PRR35: variants seen among roughly 807,000 people sequenced by gnomAD.
PRR35 encodes proline-rich protein 35.
PRR35 carries 14 observed loss-of-function variants against 18.6 expected under a neutral mutation model. The ratio of observed to expected loss-of-function variants is 0.75; its 90% CI spans 0.50 to 1.18. PRR35 has a LOEUF of 1.18. PRR35 is among the 50% of genes most tolerant of loss of function. PRR35 has a pLI of 0.00. For synonymous variants in PRR35, 425 were observed against 378.2 expected (o/e 1.12, Z -1.43); for missense variants, 832 against 792.2 (o/e 1.05, Z -0.60).
In PRR35 at chr16:564,389, G is replaced by T. The variant is rs886624141; in HGVS notation, c.1082+13G>T. ...GTTCCCGGAGCAGGTGGGCGTCTTG[G>T]GCTCCCGGTTCCTGGGGTGGACGGA... On this transcript the variant is annotated intron_variant, in intron 2 of 2. Coordinates refer to ENST00000409413, the MANE Select transcript of PRR35 (RefSeq NM_145270.3). 3.8e-6 allele frequency: 6 copies of T among 1,589,016 alleles called. No homozygotes were observed. In the African/African-American group the frequency reaches 6.7e-5, roughly 18 times the overall value.
Position 562,438 on chromosome 16 carries a change from A to G in PRR35, c.-39-818A>G, listed in dbSNP as rs556339875. Among the ~76,000 whole-genome samples the G allele has an allele frequency of 4.6e-5, 7 of 152,150 alleles. No individual in the cohort carries two copies. The South Asian group carries it at 1.5e-3, about 32-fold the overall frequency. ...CACACACGCATACACACGCACTCAC[A>G]CATGCATGCATGCACACATGCACAC... is the stretch of plus-strand genomic sequence containing the variant. On this transcript the variant is annotated intron_variant, in intron 1 of 2. Transcript: ENST00000409413.
Position 563,890 on chromosome 16 carries a change from C to T in PRR35, c.596C>T (p.Pro199Leu), listed in dbSNP as rs780686063. Residue 199 changes from proline to leucine, a missense_variant, in exon 2 of 3, where the codon CCT (proline) becomes CTT (leucine). Around this residue, in one of 3 missense-constraint regions of PRR35, gnomAD observed 768 missense variants for 704.1 expected, o/e 1.09. Transcript: ENST00000409413. Reference sequence around the variant, plus strand: ...CCCCCGCCTGCCCCAGGGGAGTTCCCTGAGGCCCACAGCCTCCACCTGTCT... The same window carrying T: ...CCCCCGCCTGCCCCAGGGGAGTTCCTTGAGGCCCACAGCCTCCACCTGTCT... ...CYPPPAPGEFPEAHSLHLSLL... is the reference protein window; with the variant it reads ...CYPPPAPGEFLEAHSLHLSLL... The T allele has an allele frequency of 2.3e-5, 37 of 1,582,076 alleles. No individual in the cohort carries two copies. In the Admixed American group the frequency reaches 2.7e-4, roughly 11 times the overall value.
chr16:565,401 C>T lies in PRR35; in HGVS notation c.*94C>T, dbSNP rs2035523104. 1 of 1,310,500 alleles carries T rather than the reference C, an allele frequency of 7.6e-7. No homozygotes were observed. The highest frequency in any genetic ancestry group is 1.0e-6 in the Non-Finnish European group (1 of 995,792). The allele number at this position is 1,310,500 out of a possible 1,614,324, so 81.2% of individuals were successfully genotyped here. A position where few individuals can be genotyped will look rare whatever the true frequency, so the allele number is the denominator to read the frequency against. ...CTCACCTGCCTGGGACCTGCCCCGC[C>T]TCCGCATGCATGTGGATAGACCCCC... is the stretch of plus-strand genomic sequence containing the variant. On this transcript the variant is annotated 3_prime_UTR_variant, in exon 3 of 3. Transcript: ENST00000409413.
Position 563,248 on chromosome 16 carries a change from A to T in PRR35, c.-39-8A>T. 1.3e-6 allele frequency: 2 copies of T among 1,539,924 alleles called. No individual in the cohort carries two copies. The highest frequency in any genetic ancestry group is 2.5e-5 in the South Asian group (2 of 81,392). ...CAGGCTTGGCACTGACTGTGGCCCC[A>T]TCTACAGGTGGCCATGGTGCCCGGC... On this transcript the variant is annotated splice_polypyrimidine_tract_variant and splice_region_variant and intron_variant, in intron 1 of 2. Coordinates refer to ENST00000409413, the MANE Select transcript of PRR35 (RefSeq NM_145270.3).
rs776560688 is a variant in PRR35 at position 564,029 on chromosome 16, G to A, written c.735G>A (p.Pro245=). Residue 245 remains proline, a synonymous_variant, in exon 2 of 3, where the codon CCG becomes CCA. Transcript: ENST00000409413. The part of the protein sequence containing the change: ...FLASASPLLP[P]ATAFPAVQPP... ...CCTCGGCCAGCCCCCTGCTGCCCCC[G>A]GCCACGGCCTTCCCAGCCGTGCAGC... The A allele has an allele frequency of 2.1e-5, 31 of 1,443,938 alleles. No individual in the cohort carries two copies. The highest frequency in any genetic ancestry group is 1.5e-4 in the Admixed American group (7 of 46,722). 89.4% of individuals were successfully genotyped at this position (1,443,938 alleles called of 1,614,324 possible). A position where few individuals can be genotyped will look rare whatever the true frequency, so the allele number is the denominator to read the frequency against.
upstream of PRR35, chr16:560,347 C>A (rs1318864549): frequency 1.0e-6 from 1 of 982,124 alleles, no homozygotes; most frequent in Non-Finnish European, 1.2e-6. Context: ...GTCGCAGCGC[C>A]CCCCGGAGCC....
chr16:561,932 G>A (rs551740616), intron 1 of PRR35, among the ~76,000 whole-genome samples: 12 of 152,328 alleles, frequency 7.9e-5, no homozygotes, highest in Non-Finnish European at 1.3e-4. Context: ...CGTGTTCACC[G>A]TGATGGAGTG....
In PRR35 at chr16:564,307, T is replaced by A. The variant is rs1371595694; in HGVS notation, c.1013T>A (p.Leu338Gln). The A allele has an allele frequency of 1.3e-6, 2 of 1,579,892 alleles. No individual in the cohort carries two copies. The highest frequency in any genetic ancestry group is 3.6e-5 in the Admixed American group (2 of 56,094). Reference protein sequence around the residue: ...RAAQSDPRRRLSLGSRLELPK... With the variant: ...RAAQSDPRRRQSLGSRLELPK... ...GCCCAGAGTGACCCCAGGAGGAGGC[T>A]GTCCCTGGGAAGCAGGCTGGAGCTT... is the stretch of plus-strand genomic sequence containing the variant. Residue 338 changes from leucine (L) to glutamine (Q), a missense_variant, in exon 2 of 3, where the codon CTG becomes CAG. By Grantham distance (113) the Leu-to-Gln change is moderately radical. Coordinates refer to ENST00000409413, the MANE Select transcript of PRR35 (RefSeq NM_145270.3).
At chr16:560,267 CGCGGGCG>C (rs948677315), upstream of PRR35, 8 of 821,356 alleles carry the variant, frequency 9.7e-6, no homozygotes, top group African/African-American at 1.3e-4. Flanking sequence ...GCGGGGGGCG[CGCGGGCG>C]GCGGGGGCGC....
upstream of PRR35, among the ~76,000 whole-genome samples, chr16:560,077 C>G (rs1046680529): frequency 1.2e-4 from 18 of 151,924 alleles, no homozygotes; most frequent in Non-Finnish European, 2.1e-4. Flanking sequence ...TCTGTGCACC[C>G]CCGCGGCAGC....
At position 560,468 on chromosome 16, in the gene PRR35, G is replaced by C; in HGVS notation, c.-233G>C. 2.0e-6 allele frequency: 2 copies of C among 982,836 alleles called. No homozygotes were observed. Among genetic ancestry groups the C allele is most frequent in the Non-Finnish European group, 2.4e-6 (2 of 828,922 alleles). 60.9% of individuals were successfully genotyped at this position (982,836 alleles called of 1,614,324 possible). ...GCTGCGGGAGTCGCTGCCGCTCGAG[G>C]GACCGCGGACCCGGGAGGTCCGGCT... On this transcript the variant is annotated 5_prime_UTR_variant, in exon 1 of 3. Coordinates refer to ENST00000409413, the MANE Select transcript of PRR35 (RefSeq NM_145270.3).
Position 564,343 on chromosome 16 carries a change from C to A in PRR35, c.1049C>A (p.Ser350Tyr), listed in dbSNP as rs1443608598. Residue 350 changes from serine (S) to tyrosine (Y), a missense_variant, in exon 2 of 3, where the codon TCC becomes TAC. By Grantham distance (144) the Ser-to-Tyr change is moderately radical. Transcript: ENST00000409413. The part of the protein sequence containing the change: ...LGSRLELPKA[S>Y]PSLTRFCSRS... ...AGCAGGCTGGAGCTTCCGAAGGCAT[C>A]CCCCAGCCTGACAAGGTTCTGTTCC... 5.7e-6 allele frequency: 9 copies of A among 1,584,586 alleles called. No individual in the cohort carries two copies. Among genetic ancestry groups the A allele is most frequent in the Non-Finnish European group, 7.7e-6 (9 of 1,171,970 alleles).
chr16:564,310 C>A lies in PRR35; in HGVS notation c.1016C>A (p.Ser339Tyr). The change falls in exon 2 of 3, where the codon TCC becomes TAC. Residue 339 changes from serine to tyrosine, a missense_variant. Physicochemically the swap from Ser to Tyr is moderately radical, Grantham distance 144 (BLOSUM62 -2). Transcript: ENST00000409413. The part of the protein sequence containing the change: ...AAQSDPRRRL[S>Y]LGSRLELPKA... ...CAGAGTGACCCCAGGAGGAGGCTGT[C>A]CCTGGGAAGCAGGCTGGAGCTTCCG... 6.3e-7 allele frequency: 1 copy of A among 1,579,640 alleles called. No homozygotes were observed.
In PRR35 at chr16:565,313, AGCGC is replaced by A; in HGVS notation, c.*7_*10del. 1 of 1,482,842 alleles carries A rather than the reference AGCGC, an allele frequency of 6.7e-7. No individual in the cohort carries two copies. The highest frequency in any genetic ancestry group is 9.0e-7 in the Non-Finnish European group (1 of 1,115,632). 91.9% of individuals were successfully genotyped at this position (1,482,842 alleles called of 1,614,324 possible). A position where few individuals can be genotyped will look rare whatever the true frequency, so the allele number is the denominator to read the frequency against. ...CCCAGGGCGCCGAGGTCTGACCTGC[AGCGC>A]CTGAGGTCTGACTGTCTCTGCCTGC... is the stretch of plus-strand genomic sequence containing the variant. On this transcript the variant is annotated 3_prime_UTR_variant, in exon 3 of 3. Coordinates refer to ENST00000409413, the MANE Select transcript of PRR35 (RefSeq NM_145270.3).
rs769702677 is a variant in PRR35 at position 564,289 on chromosome 16, G to C, written c.995G>C (p.Ser332Thr). 1 of 1,577,810 alleles carries C rather than the reference G, an allele frequency of 6.3e-7. No homozygotes were observed. Among genetic ancestry groups the C allele is most frequent in the South Asian group, 1.1e-5 (1 of 87,148 alleles). The change falls in exon 2 of 3, where the codon AGT (serine) becomes ACT (threonine). Residue 332 changes from serine to threonine, a missense_variant. Physicochemically the swap from Ser to Thr is moderately conservative, Grantham distance 58 (BLOSUM62 1). Transcript: ENST00000409413. ...QEGELERAAQSDPRRRLSLGS... is the reference protein window; with the variant it reads ...QEGELERAAQTDPRRRLSLGS... Reference sequence around the variant, plus strand: ...GGGGAGCTGGAGCGGGCAGCCCAGAGTGACCCCAGGAGGAGGCTGTCCCTG... The same window carrying C: ...GGGGAGCTGGAGCGGGCAGCCCAGACTGACCCCAGGAGGAGGCTGTCCCTG...
chr16:561,301 C>T (rs948282855), intron 1 of PRR35, among the ~76,000 whole-genome samples: 1 of 152,220 alleles, frequency 6.6e-6, no homozygotes, highest in Non-Finnish European at 1.5e-5. Context: ...GCCCCTGACC[C>T]GGGAGCCCCC....
chr16:564,437 C>T lies in PRR35; in HGVS notation c.1082+61C>T, dbSNP rs915989920. 6.1e-5 allele frequency: 95 copies of T among 1,562,904 alleles called. No individual in the cohort carries two copies. In the African/African-American group the frequency reaches 6.7e-4, roughly 11 times the overall value. ...GGAGGGGCTGGGCGGCTGGGCATGG[C>T]GGTTGGGCGGCTGGGCATGGCGGCT... On this transcript the variant is annotated intron_variant, in intron 2 of 2. Coordinates refer to ENST00000409413, the MANE Select transcript of PRR35 (RefSeq NM_145270.3).
In PRR35 at chr16:560,432, C is replaced by A. The variant is rs2035413581; in HGVS notation, c.-269C>A. ...GCGAGCGGCGTCGGGGGGACGCGGG[C>A]GGCGGCGGAGGCTGCGGGAGTCGCT... On this transcript the variant is annotated 5_prime_UTR_variant, in exon 1 of 3. Coordinates refer to ENST00000409413, the MANE Select transcript of PRR35 (RefSeq NM_145270.3). The A allele has an allele frequency of 2.0e-6, 2 of 982,450 alleles. No homozygotes were observed. The highest frequency in any genetic ancestry group is 1.8e-5 in the African/African-American group (1 of 56,778). The allele number at this position is 982,450 out of a possible 1,614,324, so 60.9% of individuals were successfully genotyped here. A position where few individuals can be genotyped will look rare whatever the true frequency, so the allele number is the denominator to read the frequency against.
chr16:565,256 G>C lies in PRR35; in HGVS notation c.1665G>C (p.Gln555His). 5.0e-6 allele frequency: 8 copies of C among 1,586,708 alleles called. No homozygotes were observed. The highest frequency in any genetic ancestry group is 6.9e-6 in the Non-Finnish European group (8 of 1,166,872). ...CCTGTGTTGCGACGAGGAGTTCCCAGACCCCTGAGGCTGTCTGTGGCCTGC... is the reference window on the plus strand; with the variant it reads ...CCTGTGTTGCGACGAGGAGTTCCCACACCCCTGAGGCTGTCTGTGGCCTGC... ...WGTCVATRSS[Q>H]TPEAVCGLQS... The change falls in exon 3 of 3, where the codon CAG becomes CAC. Residue 555 changes from glutamine (Q) to histidine (H), a missense_variant. Gln to His is a conservative substitution (Grantham distance 24). Coordinates refer to ENST00000409413, the MANE Select transcript of PRR35 (RefSeq NM_145270.3).
Sources: gnomAD v4.1 joint callset for allele counts (sites outside exome capture counted in the v4.1 genomes callset) on GRCh38, gnomAD v4.1.1 for gene constraint, gnomAD v4.1.1 regional missense constraint, MANE v1.5 for transcripts, NCBI Gene and HGNC (gene_info 2026-07-23, HGNC 2026-07-21) for gene names.